KHDRBS2: variants seen among roughly 807,000 people sequenced by gnomAD.
The protein encoded by KHDRBS2 is KH RNA binding domain containing, signal transduction associated 2, also known as KH domain-containing, RNA-binding, signal transduction-associated protein 2.
A neutral mutation model predicts 44.3 loss-of-function variants in KHDRBS2; 26 were observed. The observed-to-expected ratio is 0.59, with a 90% CI of 0.43 to 0.81. KHDRBS2 has a LOEUF of 0.81. Ranked by LOEUF, KHDRBS2 falls within the 40% of genes least tolerant of loss-of-function variation. The pLI is 0.00. For missense variants in KHDRBS2, 476 were observed against 433.1 expected (o/e 1.10, Z -0.88); for synonymous variants, 194 against 151.1 (o/e 1.28, Z -2.08).
At chr6:62,205,757 T>C (rs1827844463) in intron 1 of KHDRBS2, among the ~76,000 whole-genome samples, 1 of 152,124 alleles carries the variant, frequency 6.6e-6, no homozygotes, top group African/African-American at 2.4e-5. Context: ...AATCTGCACA[T>C]CTTAGAATAT....
chr6:61,594,254 AT>A, the KHDRBS2 span, among the ~76,000 whole-genome samples: 3 of 150,978 alleles, frequency 2.0e-5, no homozygotes, highest in African/African-American at 4.9e-5. Flanking sequence ...AAACAAAAAA[AT>A]ATAAAAATCA....
At chr6:61,969,248 G>A (rs1770798545) in intron 4 of KHDRBS2, among the ~76,000 whole-genome samples, 1 of 151,984 alleles carries the variant, frequency 6.6e-6, no homozygotes, top group African/African-American at 2.4e-5. Flanking sequence ...CCTGTGTTTT[G>A]CCACATTTTG....
chr6:61,863,837 T>C (rs1368677217), intron 6 of KHDRBS2, among the ~76,000 whole-genome samples: 1 of 152,188 alleles, frequency 6.6e-6, no homozygotes, highest in African/African-American at 2.4e-5. Flanking sequence ...TGAATATCTT[T>C]GCTAATGTTC....
At chr6:61,834,075 C>T (rs1792262211) in intron 6 of KHDRBS2, among the ~76,000 whole-genome samples, 1 of 152,084 alleles carries the variant, frequency 6.6e-6, no homozygotes, top group Non-Finnish European at 1.5e-5. Flanking sequence ...TTTACTTCCA[C>T]TTTCTGTGCA....
intron 6 of KHDRBS2, among the ~76,000 whole-genome samples, chr6:61,796,003 G>T (rs183181515): frequency 5.8e-4 from 88 of 152,234 alleles, no homozygotes; most frequent in African/African-American, 2.1e-3. Flanking sequence ...GAATGGGTGT[G>T]AGTCTCAGTT....
intron 6 of KHDRBS2, among the ~76,000 whole-genome samples, chr6:61,787,749 C>A (rs1214677125): frequency 6.6e-6 from 1 of 151,632 alleles, no homozygotes; most frequent in Non-Finnish European, 1.5e-5. Flanking sequence ...CAATCAGATT[C>A]ATTTGGAAAA....
intron 3 of KHDRBS2, among the ~76,000 whole-genome samples, chr6:62,029,769 T>C (rs536282270): frequency 1.3e-5 from 2 of 152,084 alleles, no homozygotes; most frequent in South Asian, 2.1e-4. Context: ...ATCTCCAAGA[T>C]TTCTGCAAGT....
the KHDRBS2 span, among the ~76,000 whole-genome samples, chr6:61,579,777 G>T: frequency 2.6e-5 from 4 of 152,086 alleles, no homozygotes; most frequent in African/African-American, 7.2e-5. Context: ...TGAAAGGCAG[G>T]CTGGGTGTGG....
At chr6:62,268,590 T>C (rs1321069479) in intron 1 of KHDRBS2, among the ~76,000 whole-genome samples, 1 of 152,050 alleles carries the variant, frequency 6.6e-6, no homozygotes, top group Non-Finnish European at 1.5e-5. Context: ...GTATAAAATA[T>C]ATTGTTTTCT....
At chr6:61,790,743 C>T (rs1784515974) in intron 6 of KHDRBS2, among the ~76,000 whole-genome samples, 1 of 151,504 alleles carries the variant, frequency 6.6e-6, no homozygotes, top group Admixed American at 6.6e-5. Context: ...ATGCACTGCT[C>T]CTCAGGTTTT....
chr6:62,163,251 C>A (rs1818011441), intron 2 of KHDRBS2, among the ~76,000 whole-genome samples: 1 of 152,118 alleles, frequency 6.6e-6, no homozygotes, highest in Admixed American at 6.6e-5. Flanking sequence ...TAAAGACAGA[C>A]TTTAATTCCC....
In KHDRBS2 at chr6:61,879,176, G is replaced by C. The variant is rs148110207; in HGVS notation, c.810+15459C>G. ...CTACTTAGTTCTTCAGGCTTCCTGA[G>C]TAGAAGCAAGGCTAATAAAAAACCT... On this transcript the variant is annotated intron_variant, in intron 6 of 8. Coordinates refer to ENST00000281156, the MANE Select transcript of KHDRBS2 (RefSeq NM_152688.4). 4.5e-3 allele frequency among the ~76,000 whole-genome samples: 685 copies of C among 152,052 alleles called. 9 individuals are homozygous for C. Among genetic ancestry groups the C allele is most frequent in the African/African-American group, 0.016 (644 of 41,534 alleles).
chr6:61,721,039 C>G (rs1396537656), intron 7 of KHDRBS2, among the ~76,000 whole-genome samples: 1 of 151,362 alleles, frequency 6.6e-6, no homozygotes, highest in Non-Finnish European at 1.5e-5. Flanking sequence ...ATAGGGAATC[C>G]TTTCCCCATT....
chr6:61,722,764 C>G lies in KHDRBS2; in HGVS notation c.893+9918G>C, dbSNP rs535954049. ...TCGCTCTGTCACCCAGGCTGGAGTACAGTGGCGCGATCTTGGCTCACTCTA... is the reference window on the plus strand; with the variant it reads ...TCGCTCTGTCACCCAGGCTGGAGTAGAGTGGCGCGATCTTGGCTCACTCTA... On this transcript the variant is annotated intron_variant, in intron 7 of 8. Transcript: ENST00000281156. Among the ~76,000 whole-genome samples, 23 of 151,258 alleles carry G rather than the reference C, an allele frequency of 1.5e-4. No individual in the cohort carries two copies. The South Asian group carries it at 2.7e-3, about 18-fold the overall frequency.
At chr6:62,121,098 C>T (rs1183499708) in intron 2 of KHDRBS2, among the ~76,000 whole-genome samples, 2 of 152,058 alleles carry the variant, frequency 1.3e-5, no homozygotes, top group Non-Finnish European at 2.9e-5. Flanking sequence ...TGGGTCCAGT[C>T]GGTCCCTGGG....
At chr6:61,743,284 T>C (rs1364960480) in intron 6 of KHDRBS2, among the ~76,000 whole-genome samples, 2 of 152,122 alleles carry the variant, frequency 1.3e-5, no homozygotes, top group African/African-American at 2.4e-5. Flanking sequence ...CAAGCCTATA[T>C]GGCATGTTCT....
chr6:62,100,911 T>C (rs1220926447), intron 2 of KHDRBS2, among the ~76,000 whole-genome samples: 1 of 152,180 alleles, frequency 6.6e-6, no homozygotes, highest in Non-Finnish European at 1.5e-5. Context: ...TGAAAGCTAT[T>C]GTATTACAGC....
At chr6:61,885,145 G>T (rs1385589492) in intron 6 of KHDRBS2, among the ~76,000 whole-genome samples, 4 of 151,804 alleles carry the variant, frequency 2.6e-5, no homozygotes, top group South Asian at 2.1e-4. Flanking sequence ...GCTTTTTGGA[G>T]GTCTACGTTT....
At chr6:62,117,889 T>C (rs1806652318) in intron 2 of KHDRBS2, among the ~76,000 whole-genome samples, 1 of 152,032 alleles carries the variant, frequency 6.6e-6, no homozygotes, top group African/African-American at 2.4e-5. Flanking sequence ...GATTTTCCTG[T>C]TTCAGTCTCC....
Sources: allele counts gnomAD v4.1 joint callset (sites outside exome capture counted in the v4.1 genomes callset), GRCh38; gene constraint gnomAD v4.1.1; transcripts MANE v1.5; gene names NCBI Gene and HGNC (gene_info 2026-07-23, HGNC 2026-07-21).